Variants in SPIRE1 observed in about 807,000 individuals in gnomAD.
The protein encoded by SPIRE1 is spire type actin nucleation factor 1.
SPIRE1 carries 40 observed loss-of-function variants against 94.1 expected under a neutral mutation model. That is an observed-to-expected ratio of 0.43 (90% CI 0.33 to 0.55). The LOEUF is 0.55. Among genes scored for constraint, SPIRE1 ranks in the 20% least tolerant of loss-of-function variants. The probability of loss-of-function intolerance (pLI) is 0.06; values close to 1 mark genes in which losing one functional copy is unlikely to be tolerated. For synonymous variants in SPIRE1, 376 were observed against 371.7 expected (o/e 1.01, Z -0.13); for missense variants, 838 against 975.2 (o/e 0.86, Z 1.87).
Position 12,485,966 on chromosome 18 carries a change from G to C in SPIRE1, c.1224C>G (p.Asp408Glu). ...MRPLSMSYSF[D>E]LSDVTTPEST... ...TGTTTTTGTTTTTTTTACCTGACAA[G>C]TCAAAACTGTAAGACATGCTAAGTG... Residue 408 changes from aspartate (D) to glutamate (E), a missense_variant, in exon 9 of 17, where the codon GAC becomes GAG. Around this residue, in one of 2 missense-constraint regions of SPIRE1, gnomAD observed 645 missense variants for 804.7 expected, o/e 0.80. Coordinates refer to ENST00000409402, the MANE Select transcript of SPIRE1 (RefSeq NM_001128626.2). 6.5e-7 allele frequency: 1 copy of C among 1,528,810 alleles called. No homozygotes were observed. Among genetic ancestry groups the C allele is most frequent in the South Asian group, 1.3e-5 (1 of 79,256 alleles). 94.7% of individuals were successfully genotyped at this position (1,528,810 alleles called of 1,614,324 possible). A position where few individuals can be genotyped will look rare whatever the true frequency, so the allele number is the denominator to read the frequency against.
chr18:12,608,446 C>T (rs183145290), intron 2 of SPIRE1, among the ~76,000 whole-genome samples: 1 of 152,224 alleles, frequency 6.6e-6, no homozygotes, highest in Admixed American at 6.5e-5. Context: ...AATAGTTAGA[C>T]ATTTAGGTAG....
At chr18:12,578,702 G>A (rs2036175860) in intron 2 of SPIRE1, among the ~76,000 whole-genome samples, 1 of 152,176 alleles carries the variant, frequency 6.6e-6, no homozygotes, top group Non-Finnish European at 1.5e-5. Flanking sequence ...ACTATCCGAT[G>A]TGTAGCCCTG....
rs2144923561 is a variant in SPIRE1 at position 12,657,746 on chromosome 18, T to C, written c.121A>G (p.Ser41Gly). 7.3e-7 allele frequency: 1 copy of C among 1,370,056 alleles called. No homozygotes were observed. Among genetic ancestry groups the C allele is most frequent in the Non-Finnish European group, 9.5e-7 (1 of 1,051,862 alleles). 84.9% of individuals were successfully genotyped at this position (1,370,056 alleles called of 1,614,324 possible). A position where few individuals can be genotyped will look rare whatever the true frequency, so the allele number is the denominator to read the frequency against. ...TACAGCCGCAGGATCTCCTCCAGGC[T>C]CAGCGCGTCCCGGGAGCCCCCGGCC... The part of the protein sequence containing the change: ...GAAGGSRDAL[S>G]LEEILRLYNQ... The change falls in exon 1 of 17, where the codon AGC (serine) becomes GGC (glycine). Residue 41 changes from serine to glycine, a missense_variant. Physicochemically the swap from Ser to Gly is moderately conservative, Grantham distance 56. This residue lies in a region of SPIRE1 where 193 missense variants were observed against 170.5 expected (regional missense o/e 1.13). Transcript: ENST00000409402.
chr18:12,499,349 G>A (rs1166484366), intron 6 of SPIRE1, among the ~76,000 whole-genome samples: 1 of 152,094 alleles, frequency 6.6e-6, no homozygotes, highest in Non-Finnish European at 1.5e-5. Context: ...TCTGAATTCT[G>A]TTTTTTATAT....
Position 12,464,938 on chromosome 18 carries a change from C to T in SPIRE1, c.1425G>A (p.Ser475=), listed in dbSNP as rs777249234. 8.4e-5 allele frequency: 136 copies of T among 1,613,842 alleles called. No individual in the cohort carries two copies. Among genetic ancestry groups the T allele is most frequent in the Non-Finnish European group, 1.1e-4 (134 of 1,180,008 alleles). ...SESEEETLHK[S]TSSSSVSPSF... Reference sequence around the variant, plus strand: ...AGGGAGACACGCTGCTGCTGCTGGTCGACTTGTGCAGCGTTTCTTCCTGAG... The same window carrying T: ...AGGGAGACACGCTGCTGCTGCTGGTTGACTTGTGCAGCGTTTCTTCCTGAG... The change falls in exon 11 of 17, where the codon TCG becomes TCA. Residue 475 remains serine (S), a synonymous_variant. Transcript: ENST00000409402.
At chr18:12,595,018 C>T (rs557656836) in intron 2 of SPIRE1, among the ~76,000 whole-genome samples, 11 of 152,190 alleles carry the variant, frequency 7.2e-5, no homozygotes, top group Non-Finnish European at 1.5e-4. Context: ...TGGCTCATGC[C>T]TGCAATCCCA....
At chr18:12,595,163 T>C (rs2036636124) in intron 2 of SPIRE1, among the ~76,000 whole-genome samples, 1 of 151,878 alleles carries the variant, frequency 6.6e-6, no homozygotes, top group Admixed American at 6.6e-5. Context: ...TGGGGACCAC[T>C]ATAGGGGTGG....
intron 13 of SPIRE1, among the ~76,000 whole-genome samples, chr18:12,453,544 C>T (rs780796331): frequency 2.6e-5 from 4 of 151,652 alleles, no homozygotes; most frequent in African/African-American, 9.7e-5. Flanking sequence ...CGCCATTCTC[C>T]TGCCTCAGCC....
At chr18:12,651,469 G>A (rs1225183249) in intron 1 of SPIRE1, among the ~76,000 whole-genome samples, 1 of 152,086 alleles carries the variant, frequency 6.6e-6, no homozygotes, top group Non-Finnish European at 1.5e-5. Context: ...AAGGTCAGGA[G>A]ATGTAGACCA....
At chr18:12,614,976 C>T (rs953930437) in intron 2 of SPIRE1, among the ~76,000 whole-genome samples, 3 of 151,274 alleles carry the variant, frequency 2.0e-5, no homozygotes, top group African/African-American at 7.3e-5. Context: ...ATTGCCTGAG[C>T]TCAGGAGTTC....
chr18:12,455,572 C>T (rs1004986466), intron 12 of SPIRE1, among the ~76,000 whole-genome samples: 5 of 152,218 alleles, frequency 3.3e-5, no homozygotes, highest in Middle Eastern at 3.4e-3. Context: ...CAAGCAGCTG[C>T]GGAAGATGTT....
At chr18:12,619,217 T>C (rs2037394186) in intron 2 of SPIRE1, among the ~76,000 whole-genome samples, 1 of 152,084 alleles carries the variant, frequency 6.6e-6, no homozygotes, top group Non-Finnish European at 1.5e-5. Context: ...TTTTTAAAAA[T>C]AAACAGCAAG....
At chr18:12,603,549 C>T (rs924099970) in intron 2 of SPIRE1, among the ~76,000 whole-genome samples, 7 of 150,044 alleles carry the variant, frequency 4.7e-5, no homozygotes, top group South Asian at 4.2e-4. Context: ...GAGAGGCTGA[C>T]GTCTGAGCTG....
chr18:12,615,335 A>AAAAATAAAAAAAAAAAAT (rs2037258243), intron 2 of SPIRE1, among the ~76,000 whole-genome samples: 2 of 39,920 alleles, frequency 5.0e-5, no homozygotes, highest in South Asian at 1.1e-3. Flanking sequence ...CTCAAAAAAA[A>AAAAATAAAAAAAAAAAAT]AAAAAAAAAA....
chr18:12,456,102 A>G (rs1352027974), intron 12 of SPIRE1, among the ~76,000 whole-genome samples: 2 of 152,232 alleles, frequency 1.3e-5, no homozygotes, highest in African/African-American at 2.4e-5. Flanking sequence ...GCTTATTAGT[A>G]TAAGAGGACA....
At chr18:12,468,521 C>T (rs1462919247) in intron 10 of SPIRE1, among the ~76,000 whole-genome samples, 1 of 152,126 alleles carries the variant, frequency 6.6e-6, no homozygotes, top group East Asian at 1.9e-4. Flanking sequence ...TTGGATTTTT[C>T]CACCACTGCA....
intron 4 of SPIRE1, among the ~76,000 whole-genome samples, chr18:12,532,175 T>C (rs2034701567): frequency 6.6e-6 from 1 of 152,170 alleles, no homozygotes; most frequent in African/African-American, 2.4e-5. Context: ...AAGAAAATCA[T>C]CACATCATGA....
chr18:12,550,408 T>C (rs191049879), intron 2 of SPIRE1, among the ~76,000 whole-genome samples: 16 of 152,238 alleles, frequency 1.1e-4, no homozygotes, highest in African/African-American at 3.6e-4. Flanking sequence ...TTCTTTTTTT[T>C]CTAGAGAGAC....
Position 12,535,477 on chromosome 18 carries a change from T to A in SPIRE1, c.728A>T (p.Glu243Val). Reference sequence around the variant, plus strand: ...AAATATCAAAGCAGTAGTACTCACCTCTTTCGCACTCTTAATTTTGGTCAG... The same window carrying A: ...AAATATCAAAGCAGTAGTACTCACCACTTTCGCACTCTTAATTTTGGTCAG... ...TFLTKIKSAK[E>V]NLKKIQEMEK... Residue 243 changes from glutamate (E) to valine (V), a missense_variant and splice_region_variant, in exon 4 of 17, where the codon GAG becomes GTG. By Grantham distance (121) the Glu-to-Val change is moderately radical. Transcript: ENST00000409402. 6.2e-7 allele frequency: 1 copy of A among 1,611,628 alleles called. No individual in the cohort carries two copies. Among genetic ancestry groups the A allele is most frequent in the Non-Finnish European group, 8.5e-7 (1 of 1,178,258 alleles).
Sources: gnomAD v4.1 joint callset for allele counts (sites outside exome capture counted in the v4.1 genomes callset) on GRCh38, gnomAD v4.1.1 for gene constraint, gnomAD v4.1.1 regional missense constraint, MANE v1.5 for transcripts, NCBI Gene and HGNC (gene_info 2026-07-23, HGNC 2026-07-21) for gene names.